The following ASPH variants were observed in gnomAD, a reference collection of about 807,000 sequenced individuals.
ASPH encodes the protein aspartyl/asparaginyl beta-hydroxylase.
A neutral mutation model predicts 118.4 loss-of-function variants in ASPH; 100 were observed. That is an observed-to-expected ratio of 0.84 (90% CI 0.72 to 1.00). The LOEUF is 1.00. Among genes scored for constraint, ASPH ranks in the 50% least tolerant of loss-of-function variants. ASPH has a pLI of 0.00. For synonymous variants in ASPH, 315 were observed against 325.6 expected, an observed-to-expected ratio of 0.97 and a Z score of 0.35; for missense variants, 920 against 919.5, an observed-to-expected ratio of 1.00 and a Z score of -0.01.
At chr8:61,504,936 C>T (rs1175759919) in intron 24 of ASPH, among the ~76,000 whole-genome samples, 1 of 152,114 alleles carries the variant, frequency 6.6e-6, no homozygotes, top group Non-Finnish European at 1.5e-5. Flanking sequence ...ACTTCTACTA[C>T]CCACCCTCCC....
Position 61,500,739 on chromosome 8 carries a change from A to G in ASPH, c.*2620T>C, listed in dbSNP as rs1804715489. Reference sequence around the variant, plus strand: ...TTATTCGCCCAGCCATCTGCATGACATGGGTATTTATTAGTATTACCAGTT... The same window carrying G: ...TTATTCGCCCAGCCATCTGCATGACGTGGGTATTTATTAGTATTACCAGTT... On this transcript the variant is annotated 3_prime_UTR_variant, in exon 25 of 25. Coordinates refer to ENST00000379454, the MANE Select transcript of ASPH (RefSeq NM_004318.4). 6.6e-6 allele frequency: 1 copy of G among 152,234 alleles called. No homozygotes were observed. Among genetic ancestry groups the G allele is most frequent in the African/African-American group, 2.4e-5 (1 of 41,468 alleles). 9.4% of individuals were successfully genotyped at this position (152,234 alleles called of 1,614,324 possible).
rs900669510 is a variant in ASPH at position 61,612,413 on chromosome 8, A to C, written c.976+6565T>G. Among the ~76,000 whole-genome samples the C allele has an allele frequency of 4.3e-4, 64 of 149,652 alleles. 1 individual carries two copies. The highest frequency in any genetic ancestry group is 1.3e-3 in the African/African-American group (51 of 40,530). ...TTTTGAGCCAAAGTCTTGCTCTGTC[A>C]CCCAGGCTTGAGGGCAGTGGTGTGA... On this transcript the variant is annotated intron_variant, in intron 14 of 24. Coordinates refer to ENST00000379454, the MANE Select transcript of ASPH (RefSeq NM_004318.4).
At chr8:61,701,366 A>C (rs1162207816) in intron 1 of ASPH, among the ~76,000 whole-genome samples, 1 of 152,178 alleles carries the variant, frequency 6.6e-6, no homozygotes, top group Non-Finnish European at 1.5e-5. Flanking sequence ...ACTCAATGTT[A>C]CTCTATCCTA....
intron 14 of ASPH, chr8:61,607,370 C>T (rs780745795): frequency 2.4e-5 from 16 of 675,324 alleles, no homozygotes; most frequent in Middle Eastern, 2.4e-4. Flanking sequence ...TCTCCTACTC[C>T]GTTCATCCAT....
chr8:61,529,592 C>T (rs1029436050), intron 21 of ASPH, among the ~76,000 whole-genome samples: 2 of 152,096 alleles, frequency 1.3e-5, no homozygotes, highest in African/African-American at 4.8e-5. Flanking sequence ...CAAGGAATCA[C>T]GTAATATAAT....
At chr8:61,668,597 G>A (rs954965301) in intron 3 of ASPH, among the ~76,000 whole-genome samples, 6 of 152,122 alleles carry the variant, frequency 3.9e-5, no homozygotes, top group Non-Finnish European at 7.4e-5. Context: ...GTAGACTTCC[G>A]CTTGGGTCAC....
intron 18 of ASPH, among the ~76,000 whole-genome samples, chr8:61,561,075 AGAGGGAGGGAGGGAGG>A (rs1165844240): frequency 1.3e-5 from 1 of 77,916 alleles, no homozygotes; most frequent in Non-Finnish European, 2.4e-5. Flanking sequence ...AGGAAGGGAG[AGAGGGAGGGAGGGAGG>A]GAGGGAGAGA....
intron 24 of ASPH, among the ~76,000 whole-genome samples, chr8:61,514,439 C>T (rs768990388): frequency 3.3e-5 from 5 of 152,036 alleles, no homozygotes; most frequent in East Asian, 3.9e-4. Context: ...TGTGGCTGAG[C>T]GTGGTGGCTC....
chr8:61,514,349 T>C (rs930521253), intron 24 of ASPH, among the ~76,000 whole-genome samples: 13 of 151,162 alleles, frequency 8.6e-5, no homozygotes, highest in African/African-American at 2.9e-4. Flanking sequence ...GGTCTTGCTG[T>C]CACCCAGGCT....
chr8:61,504,695 T>C (rs1228327674), intron 24 of ASPH, among the ~76,000 whole-genome samples: 2 of 152,120 alleles, frequency 1.3e-5, no homozygotes, highest in Admixed American at 6.5e-5. Flanking sequence ...CCCTATACCA[T>C]GAGGTTGGTG....
At chr8:61,644,657 T>G in intron 6 of ASPH, 25 bp from the exon 7 acceptor site, 1 of 1,566,540 alleles carries the variant, frequency 6.4e-7, no homozygotes, top group Non-Finnish European at 8.7e-7. Flanking sequence ...ATTAGATTGA[T>G]ATTTACTGCT....
intron 14 of ASPH, chr8:61,607,083 C>T: frequency 1.9e-6 from 1 of 527,938 alleles, no homozygotes. Flanking sequence ...TGTTCATAGT[C>T]TCTACCTCTT....
At chr8:61,534,971 A>G (rs1818942765) in intron 21 of ASPH, among the ~76,000 whole-genome samples, 1 of 152,198 alleles carries the variant, frequency 6.6e-6, no homozygotes, top group African/African-American at 2.4e-5. Flanking sequence ...ACAGAGGGCC[A>G]ACTTCTCACT....
intron 9 of ASPH, 94 bp downstream of exon 9, chr8:61,643,292 A>C: frequency 8.0e-7 from 1 of 1,245,840 alleles, no homozygotes; most frequent in Non-Finnish European, 1.1e-6. Context: ...TACTTCTTTG[A>C]TGCCTTTAAA....
At chr8:61,666,267 C>A (rs539380450) in intron 3 of ASPH, among the ~76,000 whole-genome samples, 1 of 152,244 alleles carries the variant, frequency 6.6e-6, no homozygotes, top group Admixed American at 6.5e-5. Flanking sequence ...GCAACTCAAG[C>A]TAACACACGT....
At chr8:61,709,156 C>T (rs901604908) in intron 1 of ASPH, among the ~76,000 whole-genome samples, 1 of 152,024 alleles carries the variant, frequency 6.6e-6, no homozygotes, top group Non-Finnish European at 1.5e-5. Flanking sequence ...AGTGATTTGC[C>T]GTTAAAAGAT....
intron 24 of ASPH, chr8:61,516,985 T>G (rs1292990986): frequency 6.5e-6 from 1 of 152,692 alleles, no homozygotes; most frequent in Non-Finnish European, 1.5e-5. Context: ...ACTGCCAATT[T>G]TATAAGCAAG....
chr8:61,577,750 G>A (rs577069660), intron 15 of ASPH, among the ~76,000 whole-genome samples: 2 of 152,258 alleles, frequency 1.3e-5, no homozygotes, highest in African/African-American at 4.8e-5. Context: ...GATCTCATGA[G>A]AACTTACTAT....
chr8:61,529,672 A>G (rs1335294747), intron 21 of ASPH, among the ~76,000 whole-genome samples: 1 of 152,240 alleles, frequency 6.6e-6, no homozygotes, highest in Non-Finnish European at 1.5e-5. Flanking sequence ...TATTCAGGAC[A>G]AAAACAAAAT....
Sources: allele counts gnomAD v4.1 joint callset (sites outside exome capture counted in the v4.1 genomes callset), GRCh38; gene constraint gnomAD v4.1.1; transcripts MANE v1.5; gene names NCBI Gene and HGNC (gene_info 2026-07-23, HGNC 2026-07-21).